Variants in AKAP6 observed in about 807,000 individuals in gnomAD.
AKAP6 encodes A-kinase anchoring protein 6.
Under a neutral mutation model 188.5 loss-of-function variants are expected in AKAP6, and 58 were observed. That is an observed-to-expected ratio of 0.31 (90% CI 0.25 to 0.38). The LOEUF (loss-of-function observed/expected upper bound fraction) is 0.38, where lower values mean the gene tolerates loss of function less well. AKAP6 is among the 10% of genes least tolerant of loss of function. AKAP6 has a pLI of 1.00. For missense variants in AKAP6, 2,710 were observed against 2,740.0 expected, an observed-to-expected ratio of 0.99 and a Z score of 0.24; for synonymous variants, 989 against 998.6, an observed-to-expected ratio of 0.99 and a Z score of 0.18.
At chr14:32,788,619 C>T (rs898637398) in intron 12 of AKAP6, among the ~76,000 whole-genome samples, 15 of 152,222 alleles carry the variant, frequency 9.9e-5, no homozygotes, top group Non-Finnish European at 2.2e-4. Context: ...CAACCCCCCC[C>T]AGGAAACCAT....
intron 1 of AKAP6, among the ~76,000 whole-genome samples, chr14:32,398,891 G>C (rs373823324): frequency 1.7e-5 from 2 of 115,944 alleles, no homozygotes; most frequent in African/African-American, 6.9e-5. Context: ...TTTCTCTGTC[G>C]CCCAGGCTGG....
At chr14:32,697,060 T>C (rs1002973084) in intron 9 of AKAP6, among the ~76,000 whole-genome samples, 7 of 152,166 alleles carry the variant, frequency 4.6e-5, no homozygotes, top group Non-Finnish European at 1.0e-4. Flanking sequence ...AACTACCTTC[T>C]AGTTTTTAAA....
At chr14:32,355,815 C>T (rs181685126) in intron 1 of AKAP6, among the ~76,000 whole-genome samples, 10 of 151,862 alleles carry the variant, frequency 6.6e-5, no homozygotes, top group African/African-American at 2.2e-4. Context: ...TGCTCTGTCA[C>T]CTAGGCTGAA....
chr14:32,613,478 G>A (rs990129637), intron 7 of AKAP6, among the ~76,000 whole-genome samples: 4 of 152,148 alleles, frequency 2.6e-5, no homozygotes, highest in African/African-American at 9.7e-5. Context: ...TTTGAATTAT[G>A]AGGAATTTTG....
intron 11 of AKAP6, among the ~76,000 whole-genome samples, chr14:32,748,497 C>CA (rs1435539133): frequency 6.6e-6 from 1 of 151,948 alleles, no homozygotes; most frequent in Non-Finnish European, 1.5e-5. Flanking sequence ...ACTGTACTTT[C>CA]AAAAAAGCAT....
At chr14:32,459,988 C>T (rs1459128733) in intron 2 of AKAP6, among the ~76,000 whole-genome samples, 2 of 152,076 alleles carry the variant, frequency 1.3e-5, no homozygotes, top group African/African-American at 4.8e-5. Flanking sequence ...GCTCAAAAAA[C>T]ATAAAAATAA....
Position 32,822,034 on chromosome 14 carries a change from C to G in AKAP6, c.4221C>G (p.Asn1407Lys). The G allele has an allele frequency of 6.2e-7, 1 of 1,613,884 alleles. No individual in the cohort carries two copies. Among genetic ancestry groups the G allele is most frequent in the Non-Finnish European group, 8.5e-7 (1 of 1,179,930 alleles). ...HLDPQMGDAVNVLKQKFTDEG... is the reference protein window; with the variant it reads ...HLDPQMGDAVKVLKQKFTDEG... The stretch of plus-strand genomic sequence containing the variant: ...ACCCACAAATGGGAGATGCAGTTAA[C>G]GTGTTAAAGCAAAAATTTACAGATG... Residue 1407 changes from asparagine to lysine, a missense_variant, in exon 13 of 14, where the codon AAC becomes AAG. This residue lies in a region of AKAP6 where 2,473 missense variants were observed against 2,426.1 expected (regional missense o/e 1.02). Coordinates refer to ENST00000280979, the MANE Select transcript of AKAP6 (RefSeq NM_004274.5).
rs1429349224 is a variant in AKAP6 at position 32,546,601 on chromosome 14, C to T, written c.1948C>T (p.Leu650=). 1 of 1,614,168 alleles carries T rather than the reference C, an allele frequency of 6.2e-7. No homozygotes were observed. The highest frequency in any genetic ancestry group is 1.1e-5 in the South Asian group (1 of 91,080). ...TEVLALKLEN[L]TKLLPQKPRG... ...AGTATTGGCTTTGAAGTTGGAAAAC[C>T]TAACAAAGCTTCTGCCTCAGAAACC... Residue 650 remains leucine (L), a synonymous_variant, in exon 4 of 14, where the codon CTA becomes TTA. Transcript: ENST00000280979.
chr14:32,789,630 GC>G (rs1299834086), intron 12 of AKAP6, among the ~76,000 whole-genome samples: 1 of 152,228 alleles, frequency 6.6e-6, no homozygotes, highest in Non-Finnish European at 1.5e-5. Flanking sequence ...AACCGCAGCA[GC>G]CCTATGCTAG....
chr14:32,813,393 C>CCG (rs1555365138), intron 12 of AKAP6, among the ~76,000 whole-genome samples: 18 of 114,720 alleles, frequency 1.6e-4, no homozygotes, highest in East Asian at 3.5e-4. Context: ...AACCCTACCC[C>CCG]CCCCCCCAAC....
At chr14:32,450,452 A>G (rs2138773387) in intron 2 of AKAP6, among the ~76,000 whole-genome samples, 1 of 152,320 alleles carries the variant, frequency 6.6e-6, no homozygotes, top group Non-Finnish European at 1.5e-5. Context: ...TAGGAAATAT[A>G]GCCTCACTTA....
At chr14:32,666,574 C>T (rs754097438) in intron 7 of AKAP6, among the ~76,000 whole-genome samples, 21 of 151,986 alleles carry the variant, frequency 1.4e-4, no homozygotes, top group South Asian at 6.2e-4. Flanking sequence ...TTATTTAAAA[C>T]ATCTGTCTAC....
chr14:32,822,304 C>G lies in AKAP6; in HGVS notation c.4491C>G (p.Pro1497=), dbSNP rs760321036. 1 of 1,613,866 alleles carries G rather than the reference C, an allele frequency of 6.2e-7. No homozygotes were observed. The highest frequency in any genetic ancestry group is 8.5e-7 in the Non-Finnish European group (1 of 1,179,924). ...GCGAAAAAGCGCATGTGGAGGATCC[C>G]CTGCTTCGTGGTTTTTATTTTGATA... is the stretch of plus-strand genomic sequence containing the variant. ...SQSEKAHVED[P]LLRGFYFDKK... Residue 1497 remains proline, a synonymous_variant, in exon 13 of 14, where the codon CCC becomes CCG. Transcript: ENST00000280979.
intron 11 of AKAP6, among the ~76,000 whole-genome samples, chr14:32,741,329 T>C (rs2031663822): frequency 6.6e-6 from 1 of 152,116 alleles, no homozygotes; most frequent in Admixed American, 6.6e-5. Context: ...ATTTGACATC[T>C]TCTTTTCTGA....
At chr14:32,662,127 A>G (rs74041652) in intron 7 of AKAP6, among the ~76,000 whole-genome samples, 106 of 152,206 alleles carry the variant, frequency 7.0e-4, no homozygotes, top group African/African-American at 2.5e-3. Context: ...TACTTCTTTC[A>G]TAGTATAATA....
chr14:32,632,780 T>G (rs1249716403), intron 7 of AKAP6, among the ~76,000 whole-genome samples: 5 of 152,126 alleles, frequency 3.3e-5, no homozygotes, highest in Admixed American at 6.6e-5. Context: ...TAGCTTTATA[T>G]GTTTTAAAAA....
At chr14:32,503,827 C>CT (rs1880726444) in intron 2 of AKAP6, among the ~76,000 whole-genome samples, 1 of 151,840 alleles carries the variant, frequency 6.6e-6, no homozygotes, top group South Asian at 2.1e-4. Context: ...CCTTATTGCC[C>CT]TTTTTTCAGT....
chr14:32,772,232 C>G (rs1939506262), intron 11 of AKAP6, among the ~76,000 whole-genome samples: 1 of 152,108 alleles, frequency 6.6e-6, no homozygotes, highest in African/African-American at 2.4e-5. Context: ...TCTCCTCATT[C>G]AGCACTGAAC....
At chr14:32,347,405 C>T (rs1258498821) in intron 1 of AKAP6, among the ~76,000 whole-genome samples, 2 of 152,176 alleles carry the variant, frequency 1.3e-5, no homozygotes, top group East Asian at 1.9e-4. Context: ...GAGTCCATCC[C>T]CTTTCTGATG....
Sources: allele counts gnomAD v4.1 joint callset (sites outside exome capture counted in the v4.1 genomes callset), GRCh38; gene constraint gnomAD v4.1.1; regional missense constraint gnomAD v4.1.1; transcripts MANE v1.5; gene names NCBI Gene and HGNC (gene_info 2026-07-23, HGNC 2026-07-21).